DOCK9: variants seen among roughly 807,000 people sequenced by gnomAD.
The protein encoded by DOCK9 is dedicator of cytokinesis protein 9.
In DOCK9, 89 loss-of-function variants were observed where a neutral mutation model predicts 263.3. The ratio of observed to expected loss-of-function variants is 0.34; its 90% CI spans 0.28 to 0.40. The LOEUF is 0.40. DOCK9 is among the 10% of genes least tolerant of loss of function. The pLI, the probability that DOCK9 is intolerant of heterozygous loss-of-function variation, is 1.00. For missense variants in DOCK9, 2,140 were observed against 2,603.4 expected (o/e 0.82, Z 3.87); for synonymous variants, 976 against 973.1 (o/e 1.00, Z -0.06).
intron 1 of DOCK9, among the ~76,000 whole-genome samples, chr13:98,995,830 G>A (rs1292906116): frequency 6.6e-6 from 1 of 152,118 alleles, no homozygotes. Flanking sequence ...AGTGAATTCT[G>A]AATAGTGGCT....
chr13:98,930,163 C>G lies in DOCK9; in HGVS notation c.333+5G>C, dbSNP rs774323413. 9.3e-6 allele frequency: 15 copies of G among 1,606,392 alleles called. No individual in the cohort carries two copies. The highest frequency in any genetic ancestry group is 1.2e-5 in the Non-Finnish European group (14 of 1,176,230). ...AATGTAAATTAATGCAGGAAAGAGC[C>G]TTACCTCTGTAACAAACAAGCTCTG... On this transcript the variant is annotated splice_donor_5th_base_variant and intron_variant, in intron 3 of 52. Coordinates refer to ENST00000682017, the MANE Select transcript of DOCK9 (RefSeq NM_001366683.2).
chr13:99,001,216 C>G (rs1039596907), intron 1 of DOCK9, among the ~76,000 whole-genome samples: 1 of 152,190 alleles, frequency 6.6e-6, no homozygotes. Context: ...CATTTACTTG[C>G]TGGTACGAAA....
intron 3 of DOCK9, among the ~76,000 whole-genome samples, chr13:98,928,004 C>CAAAAAAAAAA (rs74265290): frequency 6.4e-5 from 4 of 62,232 alleles, no homozygotes; most frequent in Non-Finnish European, 1.2e-4. Context: ...ATCGCACATA[C>CAAAAAAAAAA]AAAAAAAAAA....
chr13:98,997,746 T>C (rs960462697), intron 1 of DOCK9, among the ~76,000 whole-genome samples: 8 of 152,238 alleles, frequency 5.3e-5, no homozygotes, highest in African/African-American at 1.7e-4. Flanking sequence ...TGGTCAGGAA[T>C]ACTCCAGTCA....
intron 49 of DOCK9, among the ~76,000 whole-genome samples, chr13:98,800,814 T>C (rs114663073): frequency 6.6e-6 from 1 of 152,168 alleles, no homozygotes; most frequent in South Asian, 2.1e-4. Flanking sequence ...TAAGATGACT[T>C]TGACAACATA....
intron 15 of DOCK9, among the ~76,000 whole-genome samples, chr13:98,896,084 C>A (rs1173840218): frequency 6.6e-6 from 1 of 152,226 alleles, no homozygotes; most frequent in Non-Finnish European, 1.5e-5. Context: ...AGCGGGCATG[C>A]ACACTGCTTT....
chr13:99,066,586 A>G (rs1043645196), intron 1 of DOCK9, among the ~76,000 whole-genome samples: 1 of 152,226 alleles, frequency 6.6e-6, no homozygotes, highest in Non-Finnish European at 1.5e-5. Context: ...GAGTTAATTA[A>G]GGACATCGTC....
intron 7 of DOCK9, among the ~76,000 whole-genome samples, chr13:98,919,303 T>C (rs1220909886): frequency 6.6e-6 from 1 of 151,948 alleles, no homozygotes; most frequent in East Asian, 1.9e-4. Flanking sequence ...AGAGACGGGG[T>C]TTCACCATGT....
At chr13:98,824,631 C>T (rs933292814) in intron 44 of DOCK9, 127 bp from the exon 45 acceptor site, 1 of 815,598 alleles carries the variant, frequency 1.2e-6, no homozygotes, top group Non-Finnish European at 2.0e-6. Flanking sequence ...TCTTAGGCAC[C>T]AGGCCAGCAT....
intron 1 of DOCK9, among the ~76,000 whole-genome samples, chr13:99,075,117 T>C (rs1226124252): frequency 6.6e-6 from 1 of 152,202 alleles, no homozygotes; most frequent in Non-Finnish European, 1.5e-5. Context: ...CTTTTTATAA[T>C]AGATTTGTGT....
intron 1 of DOCK9, among the ~76,000 whole-genome samples, chr13:99,018,366 T>A (rs191356770): frequency 7.1e-4 from 108 of 152,322 alleles, no homozygotes; most frequent in African/African-American, 2.3e-3. Context: ...CACAGGATGA[T>A]GTGGTATGAA....
At chr13:98,906,535 G>A (rs546121855) in intron 9 of DOCK9, among the ~76,000 whole-genome samples, 9 of 152,284 alleles carry the variant, frequency 5.9e-5, no homozygotes, top group African/African-American at 2.2e-4. Context: ...AGTCGGAATA[G>A]AATGTACTCT....
chr13:98,798,386 C>A (rs772302), intron 50 of DOCK9, among the ~76,000 whole-genome samples: 1 of 151,968 alleles, frequency 6.6e-6, no homozygotes, highest in Non-Finnish European at 1.5e-5. Context: ...GACGTGGAGA[C>A]ACAGGAGGGT....
chr13:98,929,841 G>T (rs1263385984), intron 3 of DOCK9, among the ~76,000 whole-genome samples: 1 of 152,080 alleles, frequency 6.6e-6, no homozygotes, highest in African/African-American at 2.4e-5. Context: ...ACCTCCCACA[G>T]ATTTCCAGTG....
rs943680490 is a variant in DOCK9 at position 99,021,471 on chromosome 13, G to C, written c.129+64752C>G. Reference sequence around the variant, plus strand: ...TGGCTAACACGGTGAAACCCTGTCTGTACTAAAAATACAAAAAATTAGCCG... The same window carrying C: ...TGGCTAACACGGTGAAACCCTGTCTCTACTAAAAATACAAAAAATTAGCCG... On this transcript the variant is annotated intron_variant, in intron 1 of 32. Transcript: ENST00000427887. 7.2e-5 allele frequency among the ~76,000 whole-genome samples: 11 copies of C among 151,890 alleles called. No homozygotes were observed. The East Asian group carries it at 1.7e-3, about 24-fold the overall frequency.
intron 1 of DOCK9, among the ~76,000 whole-genome samples, chr13:99,069,913 C>T (rs983810546): frequency 6.6e-6 from 1 of 152,214 alleles, no homozygotes; most frequent in Non-Finnish European, 1.5e-5. Flanking sequence ...CTTAATTAAG[C>T]AAGTCACTTG....
intron 7 of DOCK9, among the ~76,000 whole-genome samples, chr13:98,920,633 G>A (rs1383064447): frequency 2.0e-5 from 3 of 152,114 alleles, no homozygotes; most frequent in Non-Finnish European, 4.4e-5. Context: ...ATATTTTCCT[G>A]CACTGATTCA....
At chr13:99,028,989 T>G (rs944596212) in intron 1 of DOCK9, among the ~76,000 whole-genome samples, 1 of 152,204 alleles carries the variant, frequency 6.6e-6, no homozygotes, top group Non-Finnish European at 1.5e-5. Flanking sequence ...TGAAACCATA[T>G]TTCTGTTTTA....
rs2093371764 is a variant in DOCK9 at position 98,845,818 on chromosome 13, A to G, written c.4198+106T>C. The G allele has an allele frequency of 2.8e-6, 4 of 1,444,590 alleles. No individual in the cohort carries two copies. In the Admixed American group the frequency reaches 6.2e-5, roughly 22 times the overall value. The allele number at this position is 1,444,590 out of a possible 1,614,324, so 89.5% of individuals were successfully genotyped here. A position where few individuals can be genotyped will look rare whatever the true frequency, so the allele number is the denominator to read the frequency against. On this transcript the variant is annotated intron_variant, in intron 38 of 52. Transcript: ENST00000682017. ...CTCTTCATCCTACTTGCTTTGAGCT[A>G]GAAGAAAAATTGAGTTGGTGATGTG...
Sources: gnomAD v4.1 joint callset for allele counts (sites outside exome capture counted in the v4.1 genomes callset) on GRCh38, gnomAD v4.1.1 for gene constraint, MANE v1.5 for transcripts, NCBI Gene and HGNC (gene_info 2026-07-23, HGNC 2026-07-21) for gene names.